AFG2A: variants seen among roughly 807,000 people sequenced by gnomAD.
AFG2A encodes the protein AAA ATPase AFG2A.
chr4:123,007,590 GTGTGTGTGTGTGTGTGTGTATATA>G, the AFG2A span, among the ~76,000 whole-genome samples: 26 of 4,568 alleles, frequency 5.7e-3, 1 homozygote, highest in South Asian at 0.059. Context: ...GTGTGTGTGT[GTGTGTGTGTGTGTGTGTGTATATA>G]TATATATATA....
At chr4:123,057,734 A>G in the AFG2A span, among the ~76,000 whole-genome samples, 3 of 152,186 alleles carry the variant, frequency 2.0e-5, no homozygotes, top group Non-Finnish European at 4.4e-5. Flanking sequence ...TAGAATATAA[A>G]TTAGTATTAA....
the AFG2A span, among the ~76,000 whole-genome samples, chr4:123,255,011 T>A: frequency 6.6e-6 from 1 of 152,274 alleles, no homozygotes; most frequent in African/African-American, 2.4e-5. Flanking sequence ...TCACCCAGAC[T>A]GGAGTGCAGT....
chr4:123,244,116 G>C, the AFG2A span, among the ~76,000 whole-genome samples: 1 of 152,090 alleles, frequency 6.6e-6, no homozygotes, highest in African/African-American at 2.4e-5. Context: ...GTAATGTCTT[G>C]TATTATCAGA....
chr4:123,181,308 G>T, the AFG2A span, among the ~76,000 whole-genome samples: 1 of 151,470 alleles, frequency 6.6e-6, no homozygotes, highest in Non-Finnish European at 1.5e-5. Flanking sequence ...TTTTTTTACA[G>T]CCCTTTAAAA....
chr4:123,311,552 A>T, the AFG2A span, among the ~76,000 whole-genome samples: 8 of 146,502 alleles, frequency 5.5e-5, no homozygotes, highest in Non-Finnish European at 1.2e-4. Context: ...GCTTGAACCC[A>T]GGAGGCGGAG....
chr4:123,307,421 T>G, the AFG2A span, among the ~76,000 whole-genome samples: 2,345 of 152,250 alleles, frequency 0.015, 53 homozygotes, highest in African/African-American at 0.054. Context: ...CTTATCTCAT[T>G]AGGTTTTCCT....
At chr4:123,116,238 GT>G in the AFG2A span, among the ~76,000 whole-genome samples, 1 of 152,172 alleles carries the variant, frequency 6.6e-6, no homozygotes, top group Non-Finnish European at 1.5e-5. Context: ...CTGCATGAAA[GT>G]TTGGAATGAT....
chr4:123,146,144 T>G, the AFG2A span, among the ~76,000 whole-genome samples: 3 of 152,142 alleles, frequency 2.0e-5, no homozygotes, highest in African/African-American at 7.2e-5. Flanking sequence ...TTTATCCAAC[T>G]AACTTATTTA....
chr4:123,317,377 TG>T, the AFG2A span: 3 of 152,158 alleles, frequency 2.0e-5, no homozygotes, highest in Non-Finnish European at 4.4e-5. Context: ...AAAAATGCCC[TG>T]GGGGTAACTA....
the AFG2A span, among the ~76,000 whole-genome samples, chr4:123,038,067 G>A: frequency 1.3e-5 from 2 of 152,050 alleles, no homozygotes; most frequent in Non-Finnish European, 1.5e-5. Flanking sequence ...CACAGTACTT[G>A]TACTTTAATC....
chr4:123,122,773 G>GTTT, the AFG2A span, among the ~76,000 whole-genome samples: 9 of 140,112 alleles, frequency 6.4e-5, no homozygotes, highest in Non-Finnish European at 6.3e-5. Context: ...CATGTCATCT[G>GTTT]TTTTTTTGTT....
chr4:123,286,249 T>G, the AFG2A span, among the ~76,000 whole-genome samples: 1 of 152,176 alleles, frequency 6.6e-6, no homozygotes, highest in Non-Finnish European at 1.5e-5. Flanking sequence ...TCAAACATTA[T>G]CACACTAAAA....
chr4:122,948,368 A>G, the AFG2A span, among the ~76,000 whole-genome samples: 7 of 146,186 alleles, frequency 4.8e-5, no homozygotes, highest in African/African-American at 1.0e-4. Context: ...ACTATATCCT[A>G]CTAGACTTCT....
the AFG2A span, among the ~76,000 whole-genome samples, chr4:123,045,827 G>T: frequency 2.0e-5 from 3 of 152,112 alleles, no homozygotes; most frequent in African/African-American, 4.8e-5. Context: ...CGGGCGAGGT[G>T]GTTCATGCCT....
At chr4:123,062,021 A>G in the AFG2A span, among the ~76,000 whole-genome samples, 1 of 152,198 alleles carries the variant, frequency 6.6e-6, no homozygotes, top group African/African-American at 2.4e-5. Context: ...GAGAAACCAG[A>G]CAAGGCACTT....
chr4:123,247,980 T>G, the AFG2A span, among the ~76,000 whole-genome samples: 1 of 152,292 alleles, frequency 6.6e-6, no homozygotes, highest in African/African-American at 2.4e-5. Flanking sequence ...TGCAGTTAGT[T>G]GTTTGCGTGT....
the AFG2A span, among the ~76,000 whole-genome samples, chr4:123,068,769 A>T: frequency 6.6e-6 from 1 of 152,154 alleles, no homozygotes; most frequent in African/African-American, 2.4e-5. Flanking sequence ...AACTCAGAGA[A>T]ACTAGAGATT....
the AFG2A span, among the ~76,000 whole-genome samples, chr4:123,240,467 A>G: frequency 6.6e-6 from 1 of 152,232 alleles, no homozygotes; most frequent in Non-Finnish European, 1.5e-5. Context: ...ACTCAGGATT[A>G]AGAAACTCAC....
At chr4:123,223,599 AC>A in the AFG2A span, among the ~76,000 whole-genome samples, 1 of 152,258 alleles carries the variant, frequency 6.6e-6, no homozygotes, top group Admixed American at 6.5e-5. Context: ...AGAAGGTGCC[AC>A]ATACATTTGA....
Sources: gnomAD v4.1 joint callset for allele counts (sites outside exome capture counted in the v4.1 genomes callset) on GRCh38, gnomAD v4.1.1 for gene constraint, MANE v1.5 for transcripts, NCBI Gene and HGNC (gene_info 2026-07-23, HGNC 2026-07-21) for gene names.